TLE1: variants seen among roughly 807,000 people sequenced by gnomAD.
The protein encoded by TLE1 is transducin-like enhancer protein 1.
In TLE1, 21 loss-of-function variants were observed where a neutral mutation model predicts 89.8. The ratio of observed to expected loss-of-function variants is 0.23; its 90% CI spans 0.17 to 0.34. The LOEUF (loss-of-function observed/expected upper bound fraction) is 0.34. Among genes scored for constraint, TLE1 ranks in the 10% least tolerant of loss-of-function variants. TLE1 has a pLI of 1.00. For synonymous variants in TLE1, 447 were observed against 407.6 expected, an observed-to-expected ratio of 1.10 and a Z score of -1.16; for missense variants, 795 against 1,031.2, an observed-to-expected ratio of 0.77 and a Z score of 3.14.
chr9:81,686,013 T>C (rs1440333579), intron 2 of TLE1, 117 bp from the exon 3 acceptor site: 7 of 1,054,704 alleles, frequency 6.6e-6, no homozygotes, highest in Non-Finnish European at 9.9e-6. Context: ...CCATAAACTA[T>C]CTAGGTAAAC....
chr9:81,687,212 CTG>C (rs1834403764), intron 2 of TLE1, 120 bp downstream of exon 2: 4 of 761,610 alleles, frequency 5.3e-6, no homozygotes, highest in African/African-American at 3.5e-5. Flanking sequence ...CAGGTCTTAA[CTG>C]AGACTCCACA....
intron 9 of TLE1, 50 bp downstream of exon 9, chr9:81,620,391 A>G: frequency 1.5e-6 from 2 of 1,352,598 alleles, no homozygotes; most frequent in Non-Finnish European, 2.1e-6. Flanking sequence ...TTGGATACTC[A>G]GGTGAGCAGT....
chr9:81,665,458 T>TCA (rs1204107873), intron 4 of TLE1, among the ~76,000 whole-genome samples: 1 of 152,038 alleles, frequency 6.6e-6, no homozygotes, highest in Non-Finnish European at 1.5e-5. Flanking sequence ...TACTATCCTT[T>TCA]CACTCCTCAT....
chr9:81,600,399 C>T (rs990997876), intron 14 of TLE1, among the ~76,000 whole-genome samples: 6 of 152,110 alleles, frequency 3.9e-5, no homozygotes, highest in African/African-American at 1.4e-4. Flanking sequence ...CTCCCAGCTA[C>T]TCAGGAGGCT....
At chr9:81,679,577 G>A (rs975188014) in intron 4 of TLE1, among the ~76,000 whole-genome samples, 1 of 151,886 alleles carries the variant, frequency 6.6e-6, no homozygotes, top group Non-Finnish European at 1.5e-5. Context: ...ACATCACACC[G>A]TATTCACAGA....
At chr9:81,679,317 T>C (rs1258144260) in intron 4 of TLE1, among the ~76,000 whole-genome samples, 12 of 152,136 alleles carry the variant, frequency 7.9e-5, no homozygotes, top group Admixed American at 7.9e-4. Flanking sequence ...TTTTTTCTTT[T>C]TTTTTCCCCT....
chr9:81,674,224 A>G (rs1832605474), intron 4 of TLE1, among the ~76,000 whole-genome samples: 1 of 152,190 alleles, frequency 6.6e-6, no homozygotes, highest in Admixed American at 6.5e-5. Flanking sequence ...TGTGTTCTGT[A>G]ATACATTTAC....
rs143570155 is a variant in TLE1 at position 81,610,405 on chromosome 9, G to A, written c.1255-109C>T. 2.2e-4 allele frequency: 173 copies of A among 797,678 alleles called. 1 individual carries two copies. In the East Asian group the frequency reaches 4.4e-3, roughly 20 times the overall value. The allele number at this position is 797,678 out of a possible 1,614,324, so 49.4% of individuals were successfully genotyped here. ...CAGATCCCCAAAGCAACATAAATGG[G>A]AACAGTAACATGGCCTAGTGTTTTT... On this transcript the variant is annotated intron_variant, in intron 13 of 19. Transcript: ENST00000376499.
At chr9:81,610,742 G>GCCCCCCCCCCC (rs142200191) in intron 13 of TLE1, among the ~76,000 whole-genome samples, 1 of 145,710 alleles carries the variant, frequency 6.9e-6, no homozygotes. Context: ...ATCCATACCT[G>GCCCCCCCCCCC]CCCCCCCTCC....
chr9:81,604,712 T>C (rs933080149), intron 14 of TLE1, among the ~76,000 whole-genome samples: 7 of 152,020 alleles, frequency 4.6e-5, no homozygotes, highest in Non-Finnish European at 1.0e-4. Flanking sequence ...GACATTAAGG[T>C]CCCTCCTGCC....
intron 4 of TLE1, among the ~76,000 whole-genome samples, chr9:81,677,659 T>C (rs1833075103): frequency 1.3e-5 from 2 of 151,888 alleles, no homozygotes; most frequent in Admixed American, 6.6e-5. Context: ...TATCATAGAC[T>C]AGTAACCTAC....
At chr9:81,600,092 A>G (rs768907189) in intron 14 of TLE1, 14 of 744,980 alleles carry the variant, frequency 1.9e-5, no homozygotes, top group East Asian at 4.9e-5. Flanking sequence ...AAACTTCTCA[A>G]TGTGCTGGGG....
At position 81,689,186 on chromosome 9, in the gene TLE1, C is replaced by T. The variant is rs554066210; in HGVS notation, c.-946G>A. The T allele has an allele frequency of 1.1e-4, 17 of 152,402 alleles. No individual in the cohort carries two copies. The highest frequency in any genetic ancestry group is 3.6e-4 in the African/African-American group (15 of 41,586). 9.4% of individuals were successfully genotyped at this position (152,402 alleles called of 1,614,324 possible). On this transcript the variant is annotated 5_prime_UTR_variant, in exon 1 of 20. Transcript: ENST00000376499. ...TCCTTCACCTTCGTGTGCTTCTCCG[C>T]AAAGGGCGCTCCAGCCCACTGCAAA...
chr9:81,658,216 C>A lies in TLE1; in HGVS notation c.235-4180G>T, dbSNP rs964052497. On this transcript the variant is annotated intron_variant, in intron 4 of 19. Coordinates refer to ENST00000376499, the MANE Select transcript of TLE1 (RefSeq NM_005077.5). Reference sequence around the variant, plus strand: ...TCCTAGCATGAGCCACTGTGCCTGGCCGATGCAATGTTTTTTAAAAAAAAG... The same window carrying A: ...TCCTAGCATGAGCCACTGTGCCTGGACGATGCAATGTTTTTTAAAAAAAAG... Among the ~76,000 whole-genome samples the A allele has an allele frequency of 3.9e-5, 6 of 151,936 alleles. No homozygotes were observed. In the South Asian group the frequency reaches 1.0e-3, roughly 26 times the overall value.
chr9:81,672,975 T>C (rs1832413007), intron 4 of TLE1, among the ~76,000 whole-genome samples: 1 of 152,152 alleles, frequency 6.6e-6, no homozygotes, highest in South Asian at 2.1e-4. Flanking sequence ...ACTTAGACAA[T>C]AAAGACTGCC....
At chr9:81,595,544 C>G (rs572411757) in intron 14 of TLE1, among the ~76,000 whole-genome samples, 8 of 152,204 alleles carry the variant, frequency 5.3e-5, no homozygotes, top group Non-Finnish European at 1.2e-4. Context: ...TGAGGCTGGG[C>G]GCGGTGGCTC....
chr9:81,654,187 C>T, intron 4 of TLE1, 151 bp from the exon 5 acceptor site: 1 of 650,776 alleles, frequency 1.5e-6, no homozygotes, highest in East Asian at 2.8e-5. Context: ...TAATACTTAT[C>T]TTGAAATAAA....
chr9:81,653,889 G>C, intron 5 of TLE1, 85 bp downstream of exon 5: 1 of 1,270,206 alleles, frequency 7.9e-7, no homozygotes, highest in Non-Finnish European at 1.1e-6. Context: ...TGTTCCTTGT[G>C]ATAAAATTAA....
intron 4 of TLE1, among the ~76,000 whole-genome samples, chr9:81,683,902 T>C (rs1330655882): frequency 2.0e-5 from 3 of 152,074 alleles, no homozygotes; most frequent in Non-Finnish European, 4.4e-5. Flanking sequence ...CCCTTCTCCC[T>C]ACATGATAAA....
Sources: allele counts gnomAD v4.1 joint callset (sites outside exome capture counted in the v4.1 genomes callset), GRCh38; gene constraint gnomAD v4.1.1; transcripts MANE v1.5; gene names NCBI Gene and HGNC (gene_info 2026-07-23, HGNC 2026-07-21).